The following TTC39B variants were observed in gnomAD, a reference collection of about 807,000 sequenced individuals.
The protein encoded by TTC39B is tetratricopeptide repeat domain 39B, also known as tetratricopeptide repeat protein 39B.
In TTC39B, 92 loss-of-function variants were observed where a neutral mutation model predicts 96.6. The observed-to-expected ratio is 0.95, with a 90% confidence interval of 0.80 to 1.13. The LOEUF (loss-of-function observed/expected upper bound fraction) is 1.13. Ranked by LOEUF, TTC39B falls within the 50% of genes most tolerant of loss-of-function variation. TTC39B has a pLI of 0.00. For synonymous variants in TTC39B, 367 were observed against 299.4 expected (o/e 1.23, Z -2.33); for missense variants, 955 against 809.3 (o/e 1.18, Z -2.18).
intron 1 of TTC39B, among the ~76,000 whole-genome samples, chr9:15,283,614 A>G (rs1823850561): frequency 6.6e-6 from 1 of 152,252 alleles, no homozygotes; most frequent in South Asian, 2.1e-4. Flanking sequence ...AAAGTTATCA[A>G]GAAGGAAAAA....
chr9:15,228,930 A>C (rs1821276576), intron 2 of TTC39B, among the ~76,000 whole-genome samples: 1 of 152,218 alleles, frequency 6.6e-6, no homozygotes, highest in East Asian at 1.9e-4. Flanking sequence ...AGATTCTTCA[A>C]GTTCTTTATG....
chr9:15,233,361 C>T (rs1185361464), intron 2 of TTC39B, among the ~76,000 whole-genome samples: 1 of 151,946 alleles, frequency 6.6e-6, no homozygotes, highest in Non-Finnish European at 1.5e-5. Flanking sequence ...TCTCTCCCCA[C>T]GGTCTCCCTC....
chr9:15,265,727 T>C (rs1823106691), intron 2 of TTC39B, among the ~76,000 whole-genome samples: 1 of 152,172 alleles, frequency 6.6e-6, no homozygotes, highest in African/African-American at 2.4e-5. Context: ...TCAACATCGG[T>C]AGTGCTAAGT....
At chr9:15,218,635 A>AAAAAAAAAAAAATATATAT (rs374054306) in intron 3 of TTC39B, among the ~76,000 whole-genome samples, 4 of 149,530 alleles carry the variant, frequency 2.7e-5, no homozygotes, top group African/African-American at 9.8e-5. Context: ...GTCTATTTTA[A>AAAAAAAAAAAAATATATAT]ATATATATAT....
chr9:15,229,980 C>T (rs541613930), intron 2 of TTC39B, among the ~76,000 whole-genome samples: 65 of 152,176 alleles, frequency 4.3e-4, no homozygotes, highest in African/African-American at 1.5e-3. Flanking sequence ...GAATTGTTGT[C>T]TTTATAACAT....
Position 15,210,070 on chromosome 9 carries a change from C to G in TTC39B, c.691+18G>C. ...TATTAAAATCAAGGAAAAAAGTGAT[C>G]TTTTAAATGACTTTTACCTTCACTC... On this transcript the variant is annotated intron_variant, in intron 6 of 19. Coordinates refer to ENST00000512701, the Ensembl canonical transcript of TTC39B. The G allele has an allele frequency of 6.4e-7, 1 of 1,563,276 alleles. No individual in the cohort carries two copies. The highest frequency in any genetic ancestry group is 8.7e-7 in the Non-Finnish European group (1 of 1,147,810).
intron 7 of TTC39B, among the ~76,000 whole-genome samples, chr9:15,203,155 C>G (rs1356633066): frequency 6.6e-6 from 1 of 152,248 alleles, no homozygotes; most frequent in African/African-American, 2.4e-5. Flanking sequence ...CATGTGCGGA[C>G]TCTACCAGTA....
intron 17 of TTC39B, among the ~76,000 whole-genome samples, chr9:15,179,542 T>C (rs1209928953): frequency 1.3e-5 from 2 of 152,222 alleles, no homozygotes; most frequent in Non-Finnish European, 2.9e-5. Context: ...ACCTTTTCTA[T>C]TATTTATTTA....
At position 15,170,185 on chromosome 9, in the gene TTC39B, T is replaced by TGGTATC. The variant is rs55688150; in HGVS notation, c.*1833_*1834insGATACC. 3 of 151,330 alleles carry TGGTATC rather than the reference T, an allele frequency of 2.0e-5. No homozygotes were observed. The East Asian group carries it at 5.8e-4, about 29-fold the overall frequency. The allele number at this position is 151,330 out of a possible 1,614,324, so 9.4% of individuals were successfully genotyped here. A position where few individuals can be genotyped will look rare whatever the true frequency, so the allele number is the denominator to read the frequency against. On this transcript the variant is annotated 3_prime_UTR_variant, in exon 20 of 20. Transcript: ENST00000512701. The stretch of plus-strand genomic sequence containing the variant: ...AATAACACATTGATATCTACCGCCA[T>TGGTATC]TGATATCTATCTTTCATTGGATATA...
chr9:15,180,122 T>G (rs964314109), intron 17 of TTC39B, among the ~76,000 whole-genome samples: 10 of 152,212 alleles, frequency 6.6e-5, no homozygotes, highest in Admixed American at 2.6e-4. Flanking sequence ...CGACAAAAGA[T>G]CCGCTGAACT....
chr9:15,224,022 C>G (rs1304315985), intron 3 of TTC39B, among the ~76,000 whole-genome samples: 1 of 152,152 alleles, frequency 6.6e-6, no homozygotes, highest in African/African-American at 2.4e-5. Flanking sequence ...ACACAAATCT[C>G]ATTCATTTCT....
chr9:15,233,989 G>C (rs1213007162), intron 2 of TTC39B, among the ~76,000 whole-genome samples: 1 of 149,306 alleles, frequency 6.7e-6, no homozygotes, highest in Non-Finnish European at 1.5e-5. Context: ...TGAGATGTGG[G>C]GAGCGCCTCT....
intron 1 of TTC39B, among the ~76,000 whole-genome samples, chr9:15,299,194 G>T (rs973013498): frequency 6.6e-5 from 10 of 152,174 alleles, no homozygotes; most frequent in African/African-American, 2.4e-4. Flanking sequence ...ACTGAAAATT[G>T]TCACTCACTA....
At chr9:15,241,383 G>A (rs1451418060) in intron 2 of TTC39B, among the ~76,000 whole-genome samples, 2 of 151,888 alleles carry the variant, frequency 1.3e-5, no homozygotes, top group Non-Finnish European at 2.9e-5. Context: ...CTAAGTGGAT[G>A]ACTTATATTT....
intron 8 of TTC39B, among the ~76,000 whole-genome samples, chr9:15,193,482 A>T (rs895539430): frequency 1.3e-5 from 2 of 152,244 alleles, no homozygotes; most frequent in Non-Finnish European, 2.9e-5. Context: ...TACACTTGTG[A>T]TCCAGTCTAG....
chr9:15,185,626 G>C (rs1175908507), intron 15 of TTC39B: 12 of 498,538 alleles, frequency 2.4e-5, no homozygotes, highest in Non-Finnish European at 3.8e-5. Flanking sequence ...AAGCCCTCCA[G>C]GTGATTCTGA....
chr9:15,273,945 A>C (rs756088074), intron 1 of TTC39B, among the ~76,000 whole-genome samples: 1 of 152,324 alleles, frequency 6.6e-6, no homozygotes, highest in Middle Eastern at 3.4e-3. Flanking sequence ...ACGTGTCTAC[A>C]TGGCATCCAC....
chr9:15,230,622 G>C (rs538531647), intron 2 of TTC39B, among the ~76,000 whole-genome samples: 4 of 152,112 alleles, frequency 2.6e-5, no homozygotes, highest in Non-Finnish European at 5.9e-5. Context: ...TTAGTCATTT[G>C]TTGATAATAT....
chr9:15,174,876 A>G (rs1817845470), intron 19 of TTC39B, 143 bp downstream of exon 19: 1 of 660,556 alleles, frequency 1.5e-6, no homozygotes, highest in Non-Finnish European at 2.7e-6. Flanking sequence ...ATGAGCATAA[A>G]TCAACCAGAA....
Sources: gnomAD v4.1 joint callset for allele counts (sites outside exome capture counted in the v4.1 genomes callset) on GRCh38, gnomAD v4.1.1 for gene constraint, MANE v1.5 for transcripts, NCBI Gene and HGNC (gene_info 2026-07-23, HGNC 2026-07-21) for gene names.